Variants in ME3 observed in about 807,000 individuals in gnomAD.
ME3 encodes the protein NADP-dependent malic enzyme, mitochondrial.
ME3 carries 48 observed loss-of-function variants against 68.9 expected under a neutral mutation model. That is an observed-to-expected ratio of 0.70 (90% confidence interval 0.55 to 0.89). The LOEUF is 0.89. Among genes scored for constraint, ME3 ranks in the 40% least tolerant of loss-of-function variants. The pLI is 0.00. For missense variants in ME3, 675 were observed against 797.4 expected (o/e 0.85, Z 1.85); for synonymous variants, 320 against 318.8 (o/e 1.00, Z -0.04).
chr11:86,525,410 C>G (rs1432819059), intron 4 of ME3, among the ~76,000 whole-genome samples: 1 of 151,286 alleles, frequency 6.6e-6, no homozygotes, highest in Admixed American at 6.6e-5. Context: ...AACCAGGAAA[C>G]CATTAAAAAA....
intron 4 of ME3, among the ~76,000 whole-genome samples, chr11:86,537,064 C>T (rs1007961760): frequency 1.1e-4 from 16 of 149,260 alleles, no homozygotes; most frequent in Non-Finnish European, 1.8e-4. Flanking sequence ...CATATTCTCA[C>T]TCATAGGTGG....
chr11:86,452,154 C>T (rs1174169053), intron 8 of ME3, among the ~76,000 whole-genome samples: 1 of 152,138 alleles, frequency 6.6e-6, no homozygotes, highest in Non-Finnish European at 1.5e-5. Flanking sequence ...ATTTTTGCTT[C>T]CTGTCTCTTT....
intron 4 of ME3, among the ~76,000 whole-genome samples, chr11:86,541,351 C>T (rs543897549): frequency 6.6e-6 from 1 of 152,302 alleles, no homozygotes; most frequent in South Asian, 2.1e-4. Flanking sequence ...TGGTCTAGCT[C>T]AGTGGATCCC....
intron 7 of ME3, among the ~76,000 whole-genome samples, chr11:86,472,985 A>G (rs1383993221): frequency 6.6e-6 from 1 of 152,228 alleles, no homozygotes; most frequent in African/African-American, 2.4e-5. Context: ...TCATGAAGCA[A>G]TGGGCTATAC....
chr11:86,527,832 C>G (rs1287465455), intron 4 of ME3, among the ~76,000 whole-genome samples: 1 of 152,174 alleles, frequency 6.6e-6, no homozygotes, highest in Non-Finnish European at 1.5e-5. Flanking sequence ...ACCAGGCCTG[C>G]CCTACAAGAG....
At chr11:86,655,270 A>C (rs112687949) in intron 2 of ME3, among the ~76,000 whole-genome samples, 1 of 152,158 alleles carries the variant, frequency 6.6e-6, no homozygotes, top group African/African-American at 2.4e-5. Context: ...ATGGAACCAA[A>C]AAAGAGCCTG....
At chr11:86,472,230 G>A (rs1018780065) in intron 7 of ME3, among the ~76,000 whole-genome samples, 1 of 152,236 alleles carries the variant, frequency 6.6e-6, no homozygotes, top group Non-Finnish European at 1.5e-5. Context: ...GGCTGAAGAT[G>A]GGGAGGACAT....
chr11:86,473,523 G>A (rs1950897052), intron 7 of ME3, among the ~76,000 whole-genome samples: 1 of 152,130 alleles, frequency 6.6e-6, no homozygotes, highest in South Asian at 2.1e-4. Flanking sequence ...TGAGATACAG[G>A]AGTCAGAATG....
chr11:86,655,092 A>G (rs1487278319), intron 2 of ME3, among the ~76,000 whole-genome samples: 24 of 152,238 alleles, frequency 1.6e-4, no homozygotes, highest in Non-Finnish European at 1.5e-5. Flanking sequence ...TCAATGAAAT[A>G]AAAGAGGATA....
At chr11:86,453,801 C>T (rs535978194) in intron 8 of ME3, among the ~76,000 whole-genome samples, 6 of 152,268 alleles carry the variant, frequency 3.9e-5, no homozygotes, top group Admixed American at 2.6e-4. Flanking sequence ...AAGTTGAACC[C>T]GGTTTGCAGT....
At chr11:86,533,209 A>G (rs1955389787) in intron 4 of ME3, among the ~76,000 whole-genome samples, 2 of 152,090 alleles carry the variant, frequency 1.3e-5, no homozygotes, top group African/African-American at 4.8e-5. Context: ...GATCAACAAA[A>G]CTAAGAGTTG....
intron 4 of ME3, among the ~76,000 whole-genome samples, chr11:86,527,822 A>C (rs1954883242): frequency 6.6e-6 from 1 of 152,206 alleles, no homozygotes; most frequent in Admixed American, 6.5e-5. Context: ...TTTTGTCACC[A>C]CCAGGCCTGC....
chr11:86,642,037 G>C (rs1221415405), intron 2 of ME3, among the ~76,000 whole-genome samples: 2 of 152,118 alleles, frequency 1.3e-5, no homozygotes, highest in African/African-American at 2.4e-5. Context: ...AAAGAGAAAG[G>C]CAAGCTAAAA....
chr11:86,512,820 T>C (rs1438547949), intron 4 of ME3, among the ~76,000 whole-genome samples: 1 of 152,192 alleles, frequency 6.6e-6, no homozygotes, highest in Non-Finnish European at 1.5e-5. Context: ...AGGTGAAGGG[T>C]ACCAGAATAT....
intron 4 of ME3, among the ~76,000 whole-genome samples, chr11:86,519,753 A>G (rs1369984540): frequency 2.0e-5 from 3 of 152,254 alleles, no homozygotes; most frequent in Non-Finnish European, 2.9e-5. Flanking sequence ...GCAAGAAAAC[A>G]TAGCTAGGTC....
At chr11:86,558,502 C>T (rs1050599023) in intron 3 of ME3, among the ~76,000 whole-genome samples, 1 of 152,138 alleles carries the variant, frequency 6.6e-6, no homozygotes, top group Non-Finnish European at 1.5e-5. Context: ...CATCACCACT[C>T]AGAAGCAATG....
intron 2 of ME3, among the ~76,000 whole-genome samples, chr11:86,658,700 C>G (rs933418613): frequency 1.3e-5 from 2 of 152,004 alleles, no homozygotes; most frequent in Non-Finnish European, 2.9e-5. Flanking sequence ...TTGGCAGGCC[C>G]TCGCTCCTGG....
At chr11:86,448,030 G>T in intron 11 of ME3, 120 bp downstream of exon 11, 1 of 671,782 alleles carries the variant, frequency 1.5e-6, no homozygotes. Flanking sequence ...ATTGCACATG[G>T]GATAGGGGAA....
chr11:86,584,488 T>C (rs894451752), intron 2 of ME3, among the ~76,000 whole-genome samples: 1 of 152,108 alleles, frequency 6.6e-6, no homozygotes, highest in Non-Finnish European at 1.5e-5. Flanking sequence ...ATAATTAAAA[T>C]CAAAATCTCA....
Sources: allele counts gnomAD v4.1 joint callset (sites outside exome capture counted in the v4.1 genomes callset), GRCh38; gene constraint gnomAD v4.1.1; transcripts MANE v1.5; gene names NCBI Gene and HGNC (gene_info 2026-07-23, HGNC 2026-07-21).